SCHIP1: variants seen among roughly 807,000 people sequenced by gnomAD.
SCHIP1 encodes schwannomin interacting protein 1, also known as schwannomin-interacting protein 1.
In SCHIP1, 8 loss-of-function variants were observed where a neutral mutation model predicts 29.7. The ratio of observed to expected loss-of-function variants is 0.27; its 90% CI spans 0.16 to 0.49. The LOEUF (loss-of-function observed/expected upper bound fraction) is 0.49, where lower values mean the gene tolerates loss of function less well. Among genes scored for constraint, SCHIP1 ranks in the 20% least tolerant of loss-of-function variants. The pLI is 0.99. For synonymous variants in SCHIP1, 76 were observed against 94.9 expected, an observed-to-expected ratio of 0.80 and a Z score of 1.16; for missense variants, 193 against 294.6, an observed-to-expected ratio of 0.66 and a Z score of 2.52.
chr3:159,747,743 T>C, the SCHIP1 span, among the ~76,000 whole-genome samples: 2 of 152,192 alleles, frequency 1.3e-5, no homozygotes. Flanking sequence ...TCCACAGGCA[T>C]CTGTGTGTTT....
At chr3:159,542,536 C>T in the SCHIP1 span, among the ~76,000 whole-genome samples, 1 of 152,060 alleles carries the variant, frequency 6.6e-6, no homozygotes, top group Non-Finnish European at 1.5e-5. Flanking sequence ...TGCGGTTTCA[C>T]ATACCCGTAT....
Position 159,843,001 on chromosome 3 carries a change from C to CTTTTTTTTTTTTTTTTTT in SCHIP1, c.30+2798_30+2815dup, listed in dbSNP as rs566940351. Among the ~76,000 whole-genome samples, 182 of 63,700 alleles carry CTTTTTTTTTTTTTTTTTT rather than the reference C, an allele frequency of 2.9e-3. 37 individuals are homozygous for CTTTTTTTTTTTTTTTTTT. The highest frequency in any genetic ancestry group is 0.027 in the Middle Eastern group (2 of 74). The allele number at this position is 63,700 out of a possible 152,430, so 41.8% of individuals were successfully genotyped here. A position where few individuals can be genotyped will look rare whatever the true frequency, so the allele number is the denominator to read the frequency against. ...TCCAGTTCTATCCCAATATTTCTTT[C>CTTTTTTTTTTTTTTTTTT]TTTTTTTTTTTTTTTTTTTTTTTTT... On this transcript the variant is annotated intron_variant, in intron 1 of 6. Coordinates refer to ENST00000445224, the Ensembl canonical transcript of SCHIP1.
the SCHIP1 span, among the ~76,000 whole-genome samples, chr3:159,277,063 C>G: frequency 6.6e-6 from 1 of 152,120 alleles, no homozygotes; most frequent in African/African-American, 2.4e-5. Context: ...CATTTTGAAT[C>G]CAACATTCTG....
At chr3:159,773,668 T>G in the SCHIP1 span, among the ~76,000 whole-genome samples, 1 of 152,378 alleles carries the variant, frequency 6.6e-6, no homozygotes, top group South Asian at 2.1e-4. Flanking sequence ...TTGTTGATTT[T>G]TTTCTTTTTT....
chr3:159,593,789 GT>G, the SCHIP1 span, among the ~76,000 whole-genome samples: 1 of 152,230 alleles, frequency 6.6e-6, no homozygotes, highest in Non-Finnish European at 1.5e-5. Context: ...AAGCAGACAG[GT>G]TGTATTAGAG....
the SCHIP1 span, among the ~76,000 whole-genome samples, chr3:159,715,141 G>C: frequency 6.6e-6 from 1 of 152,240 alleles, no homozygotes; most frequent in Non-Finnish European, 1.5e-5. Flanking sequence ...AGGGTCTGGA[G>C]TGGACCTCCA....
chr3:159,477,210 T>C, the SCHIP1 span, among the ~76,000 whole-genome samples: 1 of 152,320 alleles, frequency 6.6e-6, no homozygotes, highest in East Asian at 1.9e-4. Flanking sequence ...TTAGGTTGAG[T>C]TTATGCCTTG....
At chr3:159,554,540 G>T in the SCHIP1 span, among the ~76,000 whole-genome samples, 2 of 152,086 alleles carry the variant, frequency 1.3e-5, no homozygotes, top group Non-Finnish European at 2.9e-5. Context: ...GAAGGAGATA[G>T]GATGCAAAAG....
At chr3:159,807,126 C>T in the SCHIP1 span, among the ~76,000 whole-genome samples, 1 of 152,180 alleles carries the variant, frequency 6.6e-6, no homozygotes, top group Non-Finnish European at 1.5e-5. Context: ...CTTTGGGATA[C>T]ATCGCCTTCT....
At chr3:159,696,464 C>T in the SCHIP1 span, among the ~76,000 whole-genome samples, 1 of 152,222 alleles carries the variant, frequency 6.6e-6, no homozygotes, top group Admixed American at 6.5e-5. Flanking sequence ...TGAACCCCAC[C>T]TCCAACTTAG....
chr3:159,568,795 G>T, the SCHIP1 span, among the ~76,000 whole-genome samples: 2 of 151,746 alleles, frequency 1.3e-5, no homozygotes, highest in Non-Finnish European at 2.9e-5. Context: ...TGTTTCCTTC[G>T]TCTATCAATT....
At chr3:159,340,726 G>T in the SCHIP1 span, among the ~76,000 whole-genome samples, 1 of 151,992 alleles carries the variant, frequency 6.6e-6, no homozygotes, top group Non-Finnish European at 1.5e-5. Context: ...TGTTTCTATT[G>T]ACTGTTTCCT....
the SCHIP1 span, among the ~76,000 whole-genome samples, chr3:159,768,994 G>T: frequency 6.6e-5 from 10 of 152,282 alleles, 1 homozygote; most frequent in Middle Eastern, 0.014. Context: ...TCTTGTGCGT[G>T]AACACTCTTA....
At chr3:159,341,667 A>G in the SCHIP1 span, among the ~76,000 whole-genome samples, 1 of 152,256 alleles carries the variant, frequency 6.6e-6, no homozygotes, top group South Asian at 2.1e-4. Flanking sequence ...TCGTTTACCT[A>G]GACATCTTTA....
the SCHIP1 span, among the ~76,000 whole-genome samples, chr3:159,390,561 T>A: frequency 1.3e-5 from 2 of 152,186 alleles, no homozygotes; most frequent in African/African-American, 4.8e-5. Flanking sequence ...TGAACTTATT[T>A]AAAAAAACAA....
chr3:159,869,924 TTAA>T (rs959387901), intron 2 of SCHIP1, among the ~76,000 whole-genome samples: 5 of 151,982 alleles, frequency 3.3e-5, no homozygotes, highest in African/African-American at 1.2e-4. Context: ...TATTTCTTTC[TTAA>T]TAAGGTTTAG....
At chr3:159,692,883 A>C in the SCHIP1 span, among the ~76,000 whole-genome samples, 2 of 151,020 alleles carry the variant, frequency 1.3e-5, no homozygotes, top group African/African-American at 2.4e-5. Flanking sequence ...ATCCTGGGAC[A>C]AAAAAAAATG....
the SCHIP1 span, chr3:159,401,292 G>C: frequency 1.1e-6 from 1 of 885,214 alleles, no homozygotes. Context: ...TAGTGGTGAG[G>C]GGATGTGCAA....
the SCHIP1 span, among the ~76,000 whole-genome samples, chr3:159,747,218 G>T: frequency 6.6e-6 from 1 of 152,322 alleles, no homozygotes; most frequent in East Asian, 1.9e-4. Context: ...GACTTCTCTA[G>T]AAGTCTGGGC....
Sources: gnomAD v4.1 joint callset for allele counts (sites outside exome capture counted in the v4.1 genomes callset) on GRCh38, gnomAD v4.1.1 for gene constraint, MANE v1.5 for transcripts, NCBI Gene and HGNC (gene_info 2026-07-23, HGNC 2026-07-21) for gene names.